WDR1: variants seen among roughly 807,000 people sequenced by gnomAD.
The protein encoded by WDR1 is WD repeat domain 1.
Under a neutral mutation model 71.9 loss-of-function variants are expected in WDR1, and 21 were observed. The ratio of observed to expected loss-of-function variants is 0.29; its 90% CI spans 0.21 to 0.42. The LOEUF (loss-of-function observed/expected upper bound fraction) is 0.42, where lower values mean the gene tolerates loss of function less well. Among genes scored for constraint, WDR1 ranks in the 10% least tolerant of loss-of-function variants. The probability of loss-of-function intolerance (pLI) is 1.00; values close to 1 mark genes in which losing one functional copy is unlikely to be tolerated. For synonymous variants in WDR1, 424 were observed against 347.4 expected, an observed-to-expected ratio of 1.22 and a Z score of -2.45; for missense variants, 696 against 824.5, an observed-to-expected ratio of 0.84 and a Z score of 1.91.
chr4:10,116,524 C>G, intron 1 of WDR1, 127 bp downstream of exon 1: 1 of 769,940 alleles, frequency 1.3e-6, no homozygotes. Flanking sequence ...CGCCACGCCT[C>G]CGGCCGGCGC....
chr4:10,109,437 T>G (rs1713216471), intron 2 of WDR1, among the ~76,000 whole-genome samples: 3 of 152,356 alleles, frequency 2.0e-5, no homozygotes, highest in Non-Finnish European at 4.4e-5. Flanking sequence ...AATGTTAGTG[T>G]GATTCTTTAA....
chr4:10,083,035 G>A lies in WDR1; in HGVS notation c.1183C>T (p.Leu395=). ...GAGTGCTCTCACCTGTAGTCCCGCA[G>A]CATGAGGCTGGTGTACCGCACGGTG... ...DDTVRYTSLM[L]RDYSGQGVVK... is the part of the protein sequence containing the mutation. The change falls in exon 10 of 15, where the codon CTG becomes TTG. Residue 395 remains leucine (L), a synonymous_variant. Transcript: ENST00000499869. 3 of 1,612,894 alleles carry A rather than the reference G, an allele frequency of 1.9e-6. No homozygotes were observed. The highest frequency in any genetic ancestry group is 4.5e-5 in the East Asian group (2 of 44,870).
At chr4:10,098,446 T>C (rs928521788) in intron 4 of WDR1, among the ~76,000 whole-genome samples, 2 of 152,214 alleles carry the variant, frequency 1.3e-5, no homozygotes, top group African/African-American at 2.4e-5. Flanking sequence ...GCCATGGTGC[T>C]GCAGGGGGGA....
chr4:10,089,015 C>CG (rs1711790862), intron 5 of WDR1, among the ~76,000 whole-genome samples: 1 of 152,206 alleles, frequency 6.6e-6, no homozygotes, highest in South Asian at 2.1e-4. Flanking sequence ...TATGCCCCCC[C>CG]CAGTGAGGTG....
chr4:10,076,029 T>A (rs1396485012), intron 14 of WDR1: 1 of 155,490 alleles, frequency 6.4e-6, no homozygotes, highest in Non-Finnish European at 1.4e-5. Flanking sequence ...AGTGAGACGG[T>A]GCCTGTGCGC....
At chr4:10,075,683 G>T in intron 14 of WDR1, 199 bp from the exon 15 acceptor site, 1 of 600,552 alleles carries the variant, frequency 1.7e-6, no homozygotes, top group Non-Finnish European at 3.0e-6. Flanking sequence ...CCCCGGGGCC[G>T]GGTACCTCTT....
chr4:10,077,957 C>A lies in WDR1; in HGVS notation c.1396-31G>T, dbSNP rs1250838870. On this transcript the variant is annotated intron_variant, in intron 12 of 14. Transcript: ENST00000499869. Reference sequence around the variant, plus strand: ...GCAGGGACAGAGAGGAAGTGAGCCACCCCTGAACACACACACCACACCCAT... The same window carrying A: ...GCAGGGACAGAGAGGAAGTGAGCCAACCCTGAACACACACACCACACCCAT... 24 of 1,572,124 alleles carry A rather than the reference C, an allele frequency of 1.5e-5. No individual in the cohort carries two copies. The African/African-American group carries it at 2.0e-4, about 13-fold the overall frequency.
chr4:10,105,350 C>T (rs1204370979), intron 2 of WDR1, among the ~76,000 whole-genome samples: 3 of 152,196 alleles, frequency 2.0e-5, no homozygotes, highest in Non-Finnish European at 4.4e-5. Flanking sequence ...AAAAGAAGTA[C>T]ACACAGACCT....
At chr4:10,115,843 T>C in intron 2 of WDR1, 1 of 420,282 alleles carries the variant, frequency 2.4e-6, no homozygotes, top group Non-Finnish European at 4.4e-6. Context: ...GCTTCCAAGA[T>C]CAGAGGCGAT....
At chr4:10,100,391 C>T (rs183031127) in intron 3 of WDR1, among the ~76,000 whole-genome samples, 2 of 152,286 alleles carry the variant, frequency 1.3e-5, no homozygotes, top group South Asian at 2.1e-4. Context: ...TTAACACGTG[C>T]GAAGTCTCCA....
At chr4:10,115,922 A>C in intron 2 of WDR1, 191 bp downstream of exon 2, 1 of 674,414 alleles carries the variant, frequency 1.5e-6, no homozygotes, top group Non-Finnish European at 2.5e-6. Context: ...ATCAAGAAGG[A>C]GCAGACAAGG....
intron 7 of WDR1, among the ~76,000 whole-genome samples, 157 bp from the exon 8 acceptor site, chr4:10,088,097 G>C (rs1560533641): frequency 6.6e-6 from 1 of 152,168 alleles, no homozygotes. Context: ...CCCGCCTCCA[G>C]GTCTCCCGTT....
At chr4:10,089,534 T>C (rs961553767) in intron 5 of WDR1, among the ~76,000 whole-genome samples, 21 of 152,384 alleles carry the variant, frequency 1.4e-4, no homozygotes, top group Admixed American at 9.8e-4. Flanking sequence ...GAATGCATTC[T>C]TTCCGCAGTC....
At chr4:10,094,171 T>G (rs150098969) in intron 5 of WDR1, among the ~76,000 whole-genome samples, 1 of 152,314 alleles carries the variant, frequency 6.6e-6, no homozygotes, top group East Asian at 1.9e-4. Flanking sequence ...TTCTGCATCA[T>G]AAGGCTGAGC....
chr4:10,083,450 G>A (rs1390875752), intron 9 of WDR1, among the ~76,000 whole-genome samples: 8 of 152,150 alleles, frequency 5.3e-5, no homozygotes, highest in East Asian at 1.9e-4. Flanking sequence ...GGGAGGCTCC[G>A]GCGTCTCCTC....
At chr4:10,101,303 G>A (rs1712671288) in intron 3 of WDR1, among the ~76,000 whole-genome samples, 1 of 152,234 alleles carries the variant, frequency 6.6e-6, no homozygotes, top group African/African-American at 2.4e-5. Context: ...CAGTCAGACT[G>A]ACAGGGTCTA....
chr4:10,075,079 C>T lies in WDR1; in HGVS notation c.*299G>A, dbSNP rs1764747510. 2.1e-6 allele frequency: 1 copy of T among 465,222 alleles called. No homozygotes were observed. Among genetic ancestry groups the T allele is most frequent in the South Asian group, 4.5e-5 (1 of 22,270 alleles). 28.8% of individuals were successfully genotyped at this position (465,222 alleles called of 1,614,324 possible). ...CCAGGGGCTCTGTGTGCTTTGGAGG[C>T]TACTGCCTCTGGAATGTTTCGCATT... On this transcript the variant is annotated 3_prime_UTR_variant, in exon 15 of 15. Coordinates refer to ENST00000499869, the MANE Select transcript of WDR1 (RefSeq NM_017491.5).
intron 2 of WDR1, among the ~76,000 whole-genome samples, chr4:10,114,971 G>A (rs925512714): frequency 6.6e-6 from 1 of 152,206 alleles, no homozygotes; most frequent in African/African-American, 2.4e-5. Context: ...CACAGAGAAG[G>A]AAACTGAGAC....
At chr4:10,093,985 C>A (rs1433248210) in intron 5 of WDR1, among the ~76,000 whole-genome samples, 1 of 152,230 alleles carries the variant, frequency 6.6e-6, no homozygotes, top group Non-Finnish European at 1.5e-5. Flanking sequence ...GGTTTCCAGC[C>A]CTGCTTGGCT....
Sources: allele counts gnomAD v4.1 joint callset (sites outside exome capture counted in the v4.1 genomes callset), GRCh38; gene constraint gnomAD v4.1.1; transcripts MANE v1.5; gene names NCBI Gene and HGNC (gene_info 2026-07-23, HGNC 2026-07-21).